Variants in TPTE2 observed in about 807,000 individuals in gnomAD.
The protein encoded by TPTE2 is phosphatidylinositol 3,4,5-trisphosphate 3-phosphatase TPTE2.
Under a neutral mutation model 78.6 loss-of-function variants are expected in TPTE2, and 53 were observed. The observed-to-expected ratio is 0.67, with a 90% CI of 0.54 to 0.85. TPTE2 has a LOEUF of 0.85. TPTE2 is among the 40% of genes least tolerant of loss of function. TPTE2 has a pLI of 0.00. For synonymous variants in TPTE2, 175 were observed against 206.2 expected, an observed-to-expected ratio of 0.85 and a Z score of 1.30; for missense variants, 461 against 623.0, an observed-to-expected ratio of 0.74 and a Z score of 2.77.
the TPTE2 span, among the ~76,000 whole-genome samples, chr13:19,555,845 T>C: frequency 1.3e-5 from 2 of 148,542 alleles, no homozygotes; most frequent in African/African-American, 2.5e-5. Flanking sequence ...GATGGAGTTT[T>C]GCTCGTTGCC....
chr13:19,503,973 C>T (rs1868811907), upstream of TPTE2, among the ~76,000 whole-genome samples: 1 of 151,990 alleles, frequency 6.6e-6, no homozygotes, highest in African/African-American at 2.4e-5. Flanking sequence ...ATCTCCTGAT[C>T]TCGTGATCCA....
the TPTE2 span, chr13:19,560,660 G>A: frequency 6.5e-7 from 1 of 1,545,834 alleles, no homozygotes; most frequent in Non-Finnish European, 8.9e-7. Flanking sequence ...AAGGCATAGA[G>A]CTTCTCAGGC....
At chr13:19,427,078 TC>T in intron 17 of TPTE2, among the ~76,000 whole-genome samples, 1 of 131,492 alleles carries the variant, frequency 7.6e-6, no homozygotes, top group Non-Finnish European at 1.6e-5. Context: ...TCTTTTCTTT[TC>T]TTTTTTTTTT....
chr13:19,442,875 T>G (rs1877584205), intron 13 of TPTE2, among the ~76,000 whole-genome samples: 2 of 152,196 alleles, frequency 1.3e-5, no homozygotes, highest in African/African-American at 4.8e-5. Context: ...AAAAACATTC[T>G]ATATAGGGAA....
chr13:19,540,020 T>C (rs984569842), upstream of TPTE2, among the ~76,000 whole-genome samples: 3 of 152,068 alleles, frequency 2.0e-5, no homozygotes, highest in Non-Finnish European at 4.4e-5. Context: ...GGCGAGTACC[T>C]GTAATCCCAG....
intron 1 of TPTE2, among the ~76,000 whole-genome samples, chr13:19,500,800 G>T (rs1468977605): frequency 6.8e-6 from 1 of 148,024 alleles, no homozygotes; most frequent in Non-Finnish European, 1.5e-5. Context: ...GTTCTGGCCA[G>T]GGCAATTAGG....
intron 3 of TPTE2, among the ~76,000 whole-genome samples, chr13:19,484,943 A>G (rs1880570330): frequency 6.6e-6 from 1 of 152,144 alleles, no homozygotes; most frequent in African/African-American, 2.4e-5. Context: ...CAGTAAGTCT[A>G]TATCCTTCAT....
intron 14 of TPTE2, 32 bp from the exon 18 acceptor site, chr13:19,436,338 C>T: frequency 6.3e-7 from 1 of 1,577,010 alleles, no homozygotes; most frequent in Non-Finnish European, 8.7e-7. Context: ...AACCATGGTT[C>T]ATCTGCACTC....
intron 1 of TPTE2, among the ~76,000 whole-genome samples, chr13:19,502,592 G>T (rs1043478412): frequency 1.3e-4 from 19 of 142,414 alleles, no homozygotes; most frequent in African/African-American, 4.4e-4. Flanking sequence ...GGTGGGAATT[G>T]AACAATGAGA....
intron 11 of TPTE2, 89 bp downstream of exon 14, chr13:19,451,076 T>A (rs1178595432): frequency 3.2e-5 from 48 of 1,490,144 alleles, no homozygotes; most frequent in Non-Finnish European, 4.4e-5. Flanking sequence ...TACTTATGAT[T>A]AAATGCAATC....
chr13:19,436,822 C>T (rs149435139), intron 14 of TPTE2, among the ~76,000 whole-genome samples: 1 of 152,110 alleles, frequency 6.6e-6, no homozygotes. Flanking sequence ...CCATAGAAAG[C>T]ATCTGGTCCA....
At chr13:19,482,364 A>G (rs1880410685) in intron 4 of TPTE2, 124 bp downstream of exon 7, 2 of 1,096,700 alleles carry the variant, frequency 1.8e-6, no homozygotes, top group Non-Finnish European at 1.3e-6. Context: ...GTACCCTCCC[A>G]CCATACATTT....
At chr13:19,453,969 T>C (rs2497238) in intron 10 of TPTE2, among the ~76,000 whole-genome samples, 142,257 of 152,240 alleles carry the variant, frequency 0.93, 66,748 homozygotes, top group East Asian at 1. Flanking sequence ...CCTTTGGGTT[T>C]TCCTAAATCT....
upstream of TPTE2, chr13:19,503,406 T>C: frequency 1.0e-6 from 1 of 955,060 alleles, no homozygotes; most frequent in Non-Finnish European, 1.6e-6. Context: ...TATAGCACTA[T>C]TTGGTCTGAA....
chr13:19,497,232 C>G lies in TPTE2; in HGVS notation c.12-3731G>C, dbSNP rs1465872360. ...GCAGCGAGGCTGGGGGAGGGGCGCC[C>G]GACATTGCCCAGGCTTGATTAGGTA... On this transcript the variant is annotated intron_variant, in intron 1 of 19. Transcript: ENST00000400230. 1.5e-3 allele frequency among the ~76,000 whole-genome samples: 225 copies of G among 147,250 alleles called. 1 individual carries two copies. The highest frequency in any genetic ancestry group is 2.4e-3 in the Non-Finnish European group (161 of 65,998).
chr13:19,503,420 T>A (rs1176749961), upstream of TPTE2: 1 of 854,090 alleles, frequency 1.2e-6, no homozygotes, highest in Non-Finnish European at 1.8e-6. Context: ...GTCTGAAATG[T>A]CATTTTTTTA....
chr13:19,545,022 C>T, the TPTE2 span, among the ~76,000 whole-genome samples: 1 of 151,468 alleles, frequency 6.6e-6, no homozygotes, highest in Non-Finnish European at 1.5e-5. Context: ...TGAATCCATG[C>T]TTAAATCTCT....
intron 4 of TPTE2, among the ~76,000 whole-genome samples, chr13:19,476,744 G>T (rs2137596670): frequency 6.6e-6 from 1 of 152,280 alleles, no homozygotes; most frequent in African/African-American, 2.4e-5. Flanking sequence ...AGAGAAAAGG[G>T]AACACTTATA....
At chr13:19,427,610 G>A (rs760853733) in intron 17 of TPTE2, among the ~76,000 whole-genome samples, 11 of 152,186 alleles carry the variant, frequency 7.2e-5, no homozygotes, top group South Asian at 4.1e-4. Flanking sequence ...ATAACAACAG[G>A]GGTCTGTAAC....
Sources: allele counts gnomAD v4.1 joint callset (sites outside exome capture counted in the v4.1 genomes callset), GRCh38; gene constraint gnomAD v4.1.1; transcripts MANE v1.5; gene names NCBI Gene and HGNC (gene_info 2026-07-23, HGNC 2026-07-21).